The following HS6ST1 variants were observed in gnomAD, a reference collection of about 807,000 sequenced individuals.
HS6ST1 encodes heparan-sulfate 6-O-sulfotransferase 1.
Under a neutral mutation model 25.2 loss-of-function variants are expected in HS6ST1, and 3 were observed. The ratio of observed to expected loss-of-function variants is 0.12; its 90% CI spans 0.05 to 0.31. HS6ST1 has a LOEUF of 0.31. Among genes scored for constraint, HS6ST1 ranks in the 10% least tolerant of loss-of-function variants. The pLI is 1.00. For missense variants in HS6ST1, 310 were observed against 609.6 expected (o/e 0.51, Z 5.18); for synonymous variants, 204 against 275.1 (o/e 0.74, Z 2.56).
At chr2:128,307,233 G>A (rs1389297882) in intron 1 of HS6ST1, among the ~76,000 whole-genome samples, 1 of 152,178 alleles carries the variant, frequency 6.6e-6, no homozygotes, top group Non-Finnish European at 1.5e-5. Flanking sequence ...CGTGGGCACT[G>A]CTGAGGATCT....
chr2:128,304,854 G>A (rs990321549), intron 1 of HS6ST1, among the ~76,000 whole-genome samples: 11 of 152,332 alleles, frequency 7.2e-5, no homozygotes, highest in African/African-American at 2.6e-4. Flanking sequence ...TTCCTCTCCT[G>A]CAGCTGGGCT....
At chr2:128,274,111 G>A (rs1693655593) in intron 1 of HS6ST1, among the ~76,000 whole-genome samples, 1 of 152,118 alleles carries the variant, frequency 6.6e-6, no homozygotes, top group South Asian at 2.1e-4. Context: ...TATCCAGCAG[G>A]GTCTATCCAT....
intron 1 of HS6ST1, among the ~76,000 whole-genome samples, chr2:128,280,910 T>C (rs1693776447): frequency 6.6e-6 from 1 of 152,114 alleles, no homozygotes; most frequent in African/African-American, 2.4e-5. Context: ...GATGGGACCT[T>C]TGGCAGGACA....
chr2:128,309,970 G>A (rs1162897035), intron 1 of HS6ST1, among the ~76,000 whole-genome samples: 2 of 152,222 alleles, frequency 1.3e-5, no homozygotes, highest in African/African-American at 4.8e-5. Context: ...ATAAGTCACT[G>A]GTTCCTCTAC....
chr2:128,269,061 T>A (rs1693571329), intron 1 of HS6ST1, among the ~76,000 whole-genome samples, 191 bp from the exon 2 acceptor site: 1 of 152,224 alleles, frequency 6.6e-6, no homozygotes, highest in Non-Finnish European at 1.5e-5. Flanking sequence ...CACGGTCACA[T>A]GGCTACCCAG....
intron 1 of HS6ST1, among the ~76,000 whole-genome samples, chr2:128,273,913 G>A (rs62160116): frequency 1.4e-4 from 22 of 152,176 alleles, no homozygotes; most frequent in Non-Finnish European, 2.9e-4. Context: ...GTGCCAAGGG[G>A]GCGGCTCATG....
chr2:128,297,045 A>T (rs1277655327), intron 1 of HS6ST1, among the ~76,000 whole-genome samples: 1 of 152,178 alleles, frequency 6.6e-6, no homozygotes, highest in Non-Finnish European at 1.5e-5. Flanking sequence ...CTGGATGACA[A>T]AGCGAGACCC....
chr2:128,283,721 C>T (rs1466283654), intron 1 of HS6ST1, among the ~76,000 whole-genome samples: 1 of 152,184 alleles, frequency 6.6e-6, no homozygotes, highest in Non-Finnish European at 1.5e-5. Flanking sequence ...GGCCAGGCTG[C>T]TGGAGTGTGG....
At chr2:128,285,780 A>G (rs1693851949) in intron 1 of HS6ST1, among the ~76,000 whole-genome samples, 1 of 152,124 alleles carries the variant, frequency 6.6e-6, no homozygotes, top group Non-Finnish European at 1.5e-5. Flanking sequence ...AACCATCCCC[A>G]TGGGCCAGGG....
intron 1 of HS6ST1, among the ~76,000 whole-genome samples, chr2:128,272,323 GC>G (rs1188061294): frequency 6.6e-6 from 1 of 152,224 alleles, no homozygotes; most frequent in Non-Finnish European, 1.5e-5. Flanking sequence ...GTGAGTGACC[GC>G]CCCTTGGTCA....
At chr2:128,308,257 C>A (rs1694240413) in intron 1 of HS6ST1, among the ~76,000 whole-genome samples, 2 of 152,188 alleles carry the variant, frequency 1.3e-5, no homozygotes, top group Admixed American at 1.3e-4. Context: ...CCGCACCCAG[C>A]TAAGCCTGCA....
At chr2:128,302,821 C>T (rs115975983) in intron 1 of HS6ST1, among the ~76,000 whole-genome samples, 3,242 of 152,312 alleles carry the variant, frequency 0.021, 126 homozygotes, top group African/African-American at 0.075. Flanking sequence ...CATCTGAGTC[C>T]ACCCTCCCAA....
At chr2:128,293,312 G>A (rs1394972291) in intron 1 of HS6ST1, among the ~76,000 whole-genome samples, 1 of 152,260 alleles carries the variant, frequency 6.6e-6, no homozygotes, top group Non-Finnish European at 1.5e-5. Flanking sequence ...GCCAGCCTGG[G>A]CCTGGGCAGA....
chr2:128,288,957 C>T (rs1200623180), intron 1 of HS6ST1, among the ~76,000 whole-genome samples: 2 of 152,180 alleles, frequency 1.3e-5, no homozygotes, highest in Non-Finnish European at 2.9e-5. Context: ...TTCTCACCCA[C>T]GACCCCACAG....
Position 128,268,386 on chromosome 2 carries a change from C to G in HS6ST1, c.1012G>C (p.Glu338Gln), listed in dbSNP as rs533693492. The change falls in exon 2 of 2, where the codon GAG (glutamate) becomes CAG (glutamine). Residue 338 changes from glutamate to glutamine, a missense_variant. This residue lies in a region of HS6ST1 where 140 missense variants were observed against 176.5 expected (regional missense o/e 0.79). Transcript: ENST00000259241. The stretch of plus-strand genomic sequence containing the variant: ...TGCATGTCCAGGTCGTTGAGCTCCT[C>G]GATGCGCCGGATGGTGTCTTCATCC... The part of the protein sequence containing the change: ...EVDEDTIRRI[E>Q]ELNDLDMQLY... The G allele has an allele frequency of 6.2e-7, 1 of 1,613,684 alleles. No homozygotes were observed. Among genetic ancestry groups the G allele is most frequent in the Admixed American group, 1.7e-5 (1 of 60,022 alleles).
At chr2:128,273,737 G>A (rs923786198) in intron 1 of HS6ST1, among the ~76,000 whole-genome samples, 8 of 152,342 alleles carry the variant, frequency 5.3e-5, no homozygotes, top group East Asian at 3.9e-4. Context: ...CATTGCATGC[G>A]TTGCCAGACG....
intron 1 of HS6ST1, among the ~76,000 whole-genome samples, chr2:128,315,134 TC>T (rs1250403141): frequency 6.6e-6 from 1 of 152,166 alleles, no homozygotes; most frequent in Non-Finnish European, 1.5e-5. Context: ...CTGGCTGATG[TC>T]GGCAGATGAG....
At chr2:128,294,233 T>C (rs1388828169) in intron 1 of HS6ST1, among the ~76,000 whole-genome samples, 2 of 152,202 alleles carry the variant, frequency 1.3e-5, no homozygotes, top group Non-Finnish European at 2.9e-5. Context: ...GCCCTGGCAC[T>C]GTGCTCTGGA....
At chr2:128,300,647 A>G (rs1439797667) in intron 1 of HS6ST1, among the ~76,000 whole-genome samples, 1 of 152,164 alleles carries the variant, frequency 6.6e-6, no homozygotes, top group Non-Finnish European at 1.5e-5. Context: ...AACTAAGGGC[A>G]GGGTGGGCGG....
Sources: gnomAD v4.1 joint callset for allele counts (sites outside exome capture counted in the v4.1 genomes callset) on GRCh38, gnomAD v4.1.1 for gene constraint, gnomAD v4.1.1 regional missense constraint, MANE v1.5 for transcripts, NCBI Gene and HGNC (gene_info 2026-07-23, HGNC 2026-07-21) for gene names.